The following ALK variants were observed in gnomAD, a reference collection of about 807,000 sequenced individuals.
The protein encoded by ALK is ALK tyrosine kinase receptor.
A neutral mutation model predicts 163.1 loss-of-function variants in ALK; 74 were observed. The observed-to-expected ratio is 0.45, with a 90% CI of 0.38 to 0.55. The LOEUF (loss-of-function observed/expected upper bound fraction) is 0.55, where lower values mean the gene tolerates loss of function less well. Ranked by LOEUF, ALK falls within the 20% of genes least tolerant of loss-of-function variation. The pLI, the probability that ALK is intolerant of heterozygous loss-of-function variation, is 0.00. For missense variants in ALK, 2,063 were observed against 2,105.3 expected (o/e 0.98, Z 0.39); for synonymous variants, 960 against 843.2 (o/e 1.14, Z -2.40).
chr2:29,545,762 C>T (rs933056864), intron 3 of ALK, among the ~76,000 whole-genome samples: 14 of 152,100 alleles, frequency 9.2e-5, no homozygotes, highest in East Asian at 7.7e-4. Flanking sequence ...AAATGGTATT[C>T]GTTTTTGAGA....
At chr2:29,418,401 C>T (rs947468742) in intron 4 of ALK, among the ~76,000 whole-genome samples, 2 of 152,160 alleles carry the variant, frequency 1.3e-5, no homozygotes, top group South Asian at 2.1e-4. Flanking sequence ...GACTTTATAA[C>T]GGATATGTAT....
Position 29,319,264 on chromosome 2 carries a change from C to G in ALK, c.1547-860G>C, listed in dbSNP as rs145955408. ...GCTGTGGTATGAGTGCCATTGTGAG[C>G]TCACAACACTTTAGGGGGCCACAGA... On this transcript the variant is annotated intron_variant, in intron 7 of 28. Coordinates refer to ENST00000389048, the MANE Select transcript of ALK (RefSeq NM_004304.5). The G allele has an allele frequency of 5.0e-3, 769 of 152,344 alleles. 2 individuals carry two copies. Among genetic ancestry groups the G allele is most frequent in the Non-Finnish European group, 7.8e-3 (534 of 68,058 alleles). 9.4% of individuals were successfully genotyped at this position (152,344 alleles called of 1,614,324 possible).
At chr2:29,488,011 A>T (rs896135031) in intron 4 of ALK, among the ~76,000 whole-genome samples, 17 of 151,798 alleles carry the variant, frequency 1.1e-4, no homozygotes, top group African/African-American at 3.4e-4. Flanking sequence ...GGACTCTTTT[A>T]TACTAGTTAT....
chr2:29,483,388 A>G (rs1671708858), intron 4 of ALK, among the ~76,000 whole-genome samples: 1 of 152,150 alleles, frequency 6.6e-6, no homozygotes, highest in Non-Finnish European at 1.5e-5. Flanking sequence ...GTGTATGTCT[A>G]AGTTTGAGAA....
At chr2:29,235,640 G>A (rs1664353826) in intron 13 of ALK, among the ~76,000 whole-genome samples, 1 of 152,082 alleles carries the variant, frequency 6.6e-6, no homozygotes, top group African/African-American at 2.4e-5. Context: ...CCCTGGGGAT[G>A]GGTCTGAGGG....
intron 1 of ALK, among the ~76,000 whole-genome samples, chr2:29,756,615 C>G (rs995752294): frequency 1.3e-5 from 2 of 150,028 alleles, no homozygotes; most frequent in African/African-American, 4.9e-5. Context: ...TCACTGCAAT[C>G]TCTGCCTCCC....
At chr2:29,213,381 A>T (rs1669513772) in intron 24 of ALK, among the ~76,000 whole-genome samples, 1 of 152,240 alleles carries the variant, frequency 6.6e-6, no homozygotes, top group Non-Finnish European at 1.5e-5. Context: ...TTTTAGAAAA[A>T]ATTAATGTAT....
At chr2:29,427,084 G>T (rs1670160804) in intron 4 of ALK, among the ~76,000 whole-genome samples, 1 of 133,102 alleles carries the variant, frequency 7.5e-6, no homozygotes, top group Non-Finnish European at 1.6e-5. Flanking sequence ...TAAAAAATAG[G>T]TATATAATTG....
intron 9 of ALK, among the ~76,000 whole-genome samples, chr2:29,292,625 T>G (rs1284398000): frequency 1.3e-5 from 2 of 152,222 alleles, no homozygotes; most frequent in Non-Finnish European, 2.9e-5. Context: ...TTTGAATTGG[T>G]GTTGTCCTTC....
intron 4 of ALK, among the ~76,000 whole-genome samples, chr2:29,439,665 A>G (rs1203943580): frequency 4.2e-5 from 6 of 141,322 alleles, no homozygotes; most frequent in African/African-American, 1.3e-4. Flanking sequence ...CCCTGATCCA[A>G]CGGGACTGGT....
intron 8 of ALK, among the ~76,000 whole-genome samples, chr2:29,306,652 CGTGT>C (rs67015445): frequency 4.0e-5 from 6 of 151,086 alleles, no homozygotes; most frequent in East Asian, 1.9e-4. Context: ...AATTAACAGT[CGTGT>C]GTGTGTGTGT....
chr2:29,340,185 C>T (rs183231535), intron 5 of ALK, among the ~76,000 whole-genome samples: 8 of 152,318 alleles, frequency 5.3e-5, no homozygotes, highest in African/African-American at 1.7e-4. Context: ...CATACCTCCC[C>T]GTAAAATATG....
At chr2:29,636,704 GAA>G (rs1356074559) in intron 3 of ALK, among the ~76,000 whole-genome samples, 2 of 152,000 alleles carry the variant, frequency 1.3e-5, no homozygotes, top group African/African-American at 4.8e-5. Context: ...ACACTTCTGA[GAA>G]AAGACTAGTA....
chr2:29,606,912 C>T (rs1330735411), intron 3 of ALK, among the ~76,000 whole-genome samples: 3 of 152,218 alleles, frequency 2.0e-5, no homozygotes, highest in African/African-American at 4.8e-5. Context: ...ACACTAGTTG[C>T]CCCTCTTAGA....
chr2:29,766,717 C>A (rs892727580), intron 1 of ALK, among the ~76,000 whole-genome samples: 3 of 152,198 alleles, frequency 2.0e-5, no homozygotes, highest in Non-Finnish European at 4.4e-5. Context: ...TGGAGCAAAG[C>A]TGAAGCTTAA....
chr2:29,674,928 T>C (rs1366693503), intron 3 of ALK, among the ~76,000 whole-genome samples: 3 of 135,968 alleles, frequency 2.2e-5, no homozygotes, highest in African/African-American at 8.7e-5. Flanking sequence ...GAGGAATTTA[T>C]CCATTTCTTC....
rs546420549 is a variant in ALK at position 29,894,947 on chromosome 2, CA to C, written c.667+25045del. Among the ~76,000 whole-genome samples the C allele has an allele frequency of 1.2e-3, 182 of 152,154 alleles. 2 individuals carry two copies. Among genetic ancestry groups the C allele is most frequent in the Admixed American group, 3.8e-3 (58 of 15,278 alleles). ...ATAGAGAGATGTAGCATTTGTTTAA[CA>C]ATCAATGGGAACCATAAAAAGCCCC... is the stretch of plus-strand genomic sequence containing the variant. On this transcript the variant is annotated intron_variant, in intron 1 of 28. Transcript: ENST00000389048.
intron 4 of ALK, among the ~76,000 whole-genome samples, chr2:29,441,207 C>T (rs771227304): frequency 6.6e-6 from 1 of 152,236 alleles, no homozygotes; most frequent in Non-Finnish European, 1.5e-5. Flanking sequence ...TCTGCTTGGG[C>T]CCCTGTGAAG....
At chr2:29,837,245 G>A (rs1273475387) in intron 1 of ALK, among the ~76,000 whole-genome samples, 1 of 152,174 alleles carries the variant, frequency 6.6e-6, no homozygotes, top group Non-Finnish European at 1.5e-5. Context: ...TTGTTGGAGA[G>A]TGACATCACA....
Sources: gnomAD v4.1 joint callset for allele counts (sites outside exome capture counted in the v4.1 genomes callset) on GRCh38, gnomAD v4.1.1 for gene constraint, MANE v1.5 for transcripts, NCBI Gene and HGNC (gene_info 2026-07-23, HGNC 2026-07-21) for gene names.